The following ZNF365 variants were observed in gnomAD, a reference collection of about 807,000 sequenced individuals.
ZNF365 encodes protein ZNF365.
In ZNF365, 22 loss-of-function variants were observed where a neutral mutation model predicts 35.0. The ratio of observed to expected loss-of-function variants is 0.63; its 90% CI spans 0.45 to 0.90. The LOEUF (loss-of-function observed/expected upper bound fraction) is 0.90, where lower values mean the gene tolerates loss of function less well. Among genes scored for constraint, ZNF365 ranks in the 40% least tolerant of loss-of-function variants. ZNF365 has a pLI of 0.00. For synonymous variants in ZNF365, 188 were observed against 196.2 expected (o/e 0.96, Z 0.35); for missense variants, 448 against 500.3 (o/e 0.90, Z 1.00).
downstream of ZNF365, among the ~76,000 whole-genome samples, chr10:62,404,140 A>G (rs1013875851): frequency 6.6e-6 from 1 of 152,026 alleles, no homozygotes; most frequent in Non-Finnish European, 1.5e-5. Context: ...GAGTTTTTCC[A>G]GTAGAGGAAC....
intron 3 of ZNF365, among the ~76,000 whole-genome samples, chr10:62,411,049 A>G (rs1839977589): frequency 6.6e-6 from 1 of 152,066 alleles, no homozygotes; most frequent in Non-Finnish European, 1.5e-5. Context: ...TTTGTTTCAT[A>G]TGTTTGTCAG....
intron 1 of ZNF365, chr10:62,375,928 G>C (rs1404793665): frequency 2.3e-6 from 1 of 439,208 alleles, no homozygotes; most frequent in Non-Finnish European, 4.1e-6. Context: ...TAGAGTCTCT[G>C]TCTCAGTTAC....
chr10:62,415,369 C>A (rs547254422), intron 3 of ZNF365, among the ~76,000 whole-genome samples: 1 of 152,242 alleles, frequency 6.6e-6, no homozygotes, highest in Non-Finnish European at 1.5e-5. Context: ...AGGGTTTGAA[C>A]TGAGTTGAGG....
At chr10:62,471,572 A>T (rs1365482673) in intron 4 of ZNF365, among the ~76,000 whole-genome samples, 2 of 152,182 alleles carry the variant, frequency 1.3e-5, no homozygotes, top group Non-Finnish European at 2.9e-5. Context: ...CTATTTTAAA[A>T]ATTTTAAATT....
chr10:62,428,835 T>A (rs923420508), intron 3 of ZNF365, among the ~76,000 whole-genome samples: 1 of 152,190 alleles, frequency 6.6e-6, no homozygotes, highest in African/African-American at 2.4e-5. Context: ...CTCCCAGTGG[T>A]ATGCTAGTAA....
In ZNF365 at chr10:62,402,447, C is replaced by T; in HGVS notation, c.*2658C>T. On this transcript the variant is annotated 3_prime_UTR_variant, in exon 5 of 5. Coordinates refer to ENST00000395254, the MANE Select transcript of ZNF365 (RefSeq NM_014951.3). ...TATGATAATAAAGCTATATTTCTGACTAATGTGTTGATATGTTTTGTCTAG... is the reference window on the plus strand; with the variant it reads ...TATGATAATAAAGCTATATTTCTGATTAATGTGTTGATATGTTTTGTCTAG... 1.0e-6 allele frequency: 1 copy of T among 985,032 alleles called. No individual in the cohort carries two copies. The allele number at this position is 985,032 out of a possible 1,614,324, so 61.0% of individuals were successfully genotyped here.
In ZNF365 at chr10:62,399,735, C is replaced by A; in HGVS notation, c.1170C>A (p.Asn390Lys). The change falls in exon 5 of 5, where the codon AAC becomes AAA. Residue 390 changes from asparagine to lysine, a missense_variant. This residue lies in a region of ZNF365 where 362 missense variants were observed against 375.7 expected (regional missense o/e 0.96). Coordinates refer to ENST00000395254, the MANE Select transcript of ZNF365 (RefSeq NM_014951.3). ...TCCTGGGGTTTGGCCGCAAAGGCAA[C>A]ATCAGGCCCAAAATGGCTAAAAAAA... Reference protein sequence around the residue: ...GELLGFGRKGNIRPKMAKKKP... With the variant: ...GELLGFGRKGKIRPKMAKKKP... 1 of 1,614,030 alleles carries A rather than the reference C, an allele frequency of 6.2e-7. No homozygotes were observed. The highest frequency in any genetic ancestry group is 8.5e-7 in the Non-Finnish European group (1 of 1,180,022).
downstream of ZNF365, among the ~76,000 whole-genome samples, chr10:62,406,145 C>T (rs145200513): frequency 6.6e-6 from 1 of 152,176 alleles, no homozygotes; most frequent in Non-Finnish European, 1.5e-5. Context: ...TCTCTCCACT[C>T]CAGCCAGCAC....
chr10:62,422,227 A>G (rs1840180258), intron 3 of ZNF365, among the ~76,000 whole-genome samples: 1 of 152,166 alleles, frequency 6.6e-6, no homozygotes, highest in Admixed American at 6.5e-5. Context: ...AAGGCATGTC[A>G]TCTTGTTCAT....
rs138133346 is a variant in ZNF365, at chr10:62,428,028, G to C, written c.925-31713G>C. 6.2e-3 allele frequency among the ~76,000 whole-genome samples: 948 copies of C among 152,236 alleles called. 3 individuals are homozygous for C. The highest frequency in any genetic ancestry group is 8.6e-3 in the Non-Finnish European group (584 of 68,004). On this transcript the variant is annotated intron_variant, in intron 3 of 4. Coordinates refer to the ZNF365 transcript ENST00000395255. Reference sequence around the variant, plus strand: ...GCGTAGGAACTTTGTAGCCTCAACCGCAGGTTTAGTTAGAGAACCAGTTTT... The same window carrying C: ...GCGTAGGAACTTTGTAGCCTCAACCCCAGGTTTAGTTAGAGAACCAGTTTT...
At position 62,399,811 on chromosome 10, in the gene ZNF365, A is replaced by G. The variant is rs766048704; in HGVS notation, c.*22A>G. The G allele has an allele frequency of 6.3e-7, 1 of 1,597,302 alleles. No homozygotes were observed. Among genetic ancestry groups the G allele is most frequent in the Non-Finnish European group, 8.5e-7 (1 of 1,170,304 alleles). On this transcript the variant is annotated 3_prime_UTR_variant, in exon 5 of 5. Transcript: ENST00000395254. ...CTAAAAGGGTGGGTGGTGCTGGACCAATCATCGCTGGGCTTTGGGGAACGT... is the reference window on the plus strand; with the variant it reads ...CTAAAAGGGTGGGTGGTGCTGGACCGATCATCGCTGGGCTTTGGGGAACGT...
At chr10:62,477,287 G>A (rs1274943721) in intron 4 of ZNF365, among the ~76,000 whole-genome samples, 1 of 152,118 alleles carries the variant, frequency 6.6e-6, no homozygotes, top group Non-Finnish European at 1.5e-5. Flanking sequence ...ACATCTTAGA[G>A]GTATCCTGGT....
At chr10:62,390,351 A>G (rs1305720281) in intron 3 of ZNF365, among the ~76,000 whole-genome samples, 1 of 152,230 alleles carries the variant, frequency 6.6e-6, no homozygotes, top group African/African-American at 2.4e-5. Context: ...TAAGAAATGT[A>G]TGAAATCTTC....
intron 4 of ZNF365, among the ~76,000 whole-genome samples, chr10:62,464,018 CAA>C (rs1314009150): frequency 2.0e-5 from 3 of 152,114 alleles, no homozygotes; most frequent in African/African-American, 7.2e-5. Context: ...AATAAAAAAA[CAA>C]AAGTCTTTCA....
At chr10:62,474,748 CAAAG>C (rs1841099987) in intron 4 of ZNF365, among the ~76,000 whole-genome samples, 2 of 152,298 alleles carry the variant, frequency 1.3e-5, no homozygotes, top group East Asian at 3.9e-4. Context: ...ATAGGAATCA[CAAAG>C]AAGCCCAAAA....
At chr10:62,416,774 C>G (rs760215231) in intron 3 of ZNF365, among the ~76,000 whole-genome samples, 29 of 151,964 alleles carry the variant, frequency 1.9e-4, no homozygotes, top group Middle Eastern at 3.2e-3. Flanking sequence ...GTTGGGCATC[C>G]CTAATCAGAA....
chr10:62,477,502 A>G (rs1405775551), intron 4 of ZNF365, among the ~76,000 whole-genome samples: 9 of 152,186 alleles, frequency 5.9e-5, no homozygotes, highest in African/African-American at 1.2e-4. Flanking sequence ...CTCCTTCTTT[A>G]TAGGTCCAGG....
chr10:62,463,630 C>T (rs1278489300), intron 4 of ZNF365, among the ~76,000 whole-genome samples: 3 of 152,198 alleles, frequency 2.0e-5, no homozygotes, highest in Non-Finnish European at 4.4e-5. Flanking sequence ...AGTGTTGTTA[C>T]ACAGTAACTA....
chr10:62,406,370 G>A (rs560218158), downstream of ZNF365, among the ~76,000 whole-genome samples: 1 of 152,096 alleles, frequency 6.6e-6, no homozygotes, highest in Non-Finnish European at 1.5e-5. Context: ...TTCCTTGTAG[G>A]ACTGATTCTA....
Sources: gnomAD v4.1 joint callset for allele counts (sites outside exome capture counted in the v4.1 genomes callset) on GRCh38, gnomAD v4.1.1 for gene constraint, gnomAD v4.1.1 regional missense constraint, MANE v1.5 for transcripts, NCBI Gene and HGNC (gene_info 2026-07-23, HGNC 2026-07-21) for gene names.